The following ATP8A2 variants were observed in gnomAD, a reference collection of about 807,000 sequenced individuals.
ATP8A2 encodes the protein phospholipid-transporting ATPase IB.
A neutral mutation model predicts 165.6 loss-of-function variants in ATP8A2; 100 were observed. The ratio of observed to expected loss-of-function variants is 0.60; its 90% CI spans 0.51 to 0.71. The LOEUF is 0.71. ATP8A2 is among the 30% of genes least tolerant of loss of function. The pLI is 0.00. For synonymous variants in ATP8A2, 543 were observed against 548.8 expected, an observed-to-expected ratio of 0.99 and a Z score of 0.15; for missense variants, 1,227 against 1,479.5, an observed-to-expected ratio of 0.83 and a Z score of 2.80.
intron 24 of ATP8A2, among the ~76,000 whole-genome samples, chr13:25,664,882 C>G (rs1359605476): frequency 6.7e-6 from 1 of 149,042 alleles, no homozygotes; most frequent in Non-Finnish European, 1.5e-5. Flanking sequence ...AGAGCTTTAA[C>G]TAAAAGAAGA....
chr13:25,773,582 T>C (rs1300240686), intron 26 of ATP8A2, among the ~76,000 whole-genome samples: 2 of 152,184 alleles, frequency 1.3e-5, no homozygotes, highest in Admixed American at 6.5e-5. Flanking sequence ...ACTCCCAGCT[T>C]GGGACCCACC....
intron 1 of ATP8A2, among the ~76,000 whole-genome samples, chr13:25,382,969 A>T (rs1241643448): frequency 6.7e-6 from 1 of 150,276 alleles, no homozygotes; most frequent in African/African-American, 2.5e-5. Context: ...GTTAGCCAGG[A>T]TGGTCTCCAT....
At chr13:25,657,882 G>A (rs1427966334) in intron 24 of ATP8A2, among the ~76,000 whole-genome samples, 5 of 152,186 alleles carry the variant, frequency 3.3e-5, no homozygotes, top group African/African-American at 1.2e-4. Flanking sequence ...GTAGCAGATT[G>A]TCATTCTGCA....
chr13:25,619,120 G>A (rs1251906130), intron 24 of ATP8A2, among the ~76,000 whole-genome samples: 2 of 152,310 alleles, frequency 1.3e-5, no homozygotes, highest in South Asian at 4.1e-4. Context: ...TCAGAGAGGC[G>A]AGAACGGCCT....
intron 33 of ATP8A2, chr13:25,944,719 A>C (rs1484333907): frequency 2.0e-5 from 3 of 151,332 alleles, no homozygotes; most frequent in Non-Finnish European, 4.4e-5. Context: ...CACAACGGTG[A>C]ATAGCCACTG....
intron 2 of ATP8A2, among the ~76,000 whole-genome samples, chr13:25,518,967 A>G (rs531248290): frequency 2.0e-5 from 3 of 152,284 alleles, no homozygotes; most frequent in East Asian, 1.9e-4. Flanking sequence ...ATCTCCCAAA[A>G]GGAAAAAGGC....
chr13:25,609,467 T>C (rs995079623), intron 24 of ATP8A2, among the ~76,000 whole-genome samples: 2 of 78,812 alleles, frequency 2.5e-5, no homozygotes, highest in East Asian at 2.4e-4. Context: ...CAAATACCCA[T>C]GTGATGCCTA....
intron 33 of ATP8A2, among the ~76,000 whole-genome samples, chr13:25,869,657 T>C (rs1040527258): frequency 2.0e-5 from 3 of 152,258 alleles, no homozygotes; most frequent in Non-Finnish European, 4.4e-5. Flanking sequence ...CAGTAGGTAA[T>C]GTTTATTGAA....
rs1555256658 is a variant in ATP8A2 at position 25,731,147 on chromosome 13, A to AAAAAG, written c.2384+31805_2384+31806insAGAAA. On this transcript the variant is annotated intron_variant, in intron 25 of 36. Coordinates refer to ENST00000381655, the MANE Select transcript of ATP8A2 (RefSeq NM_016529.6). ...AGAAAAGAGAGAGAGAGAGAGAAATAAAAGAAAGAAAGAGAAAGAAGGAAG... is the reference window on the plus strand; with the variant it reads ...AGAAAAGAGAGAGAGAGAGAGAAATAAAAAGAAAGAAAGAAAGAGAAAGAAGGAAG... 1.7e-3 allele frequency among the ~76,000 whole-genome samples: 208 copies of AAAAAG among 123,280 alleles called. 1 individual carries two copies. The highest frequency in any genetic ancestry group is 4.2e-3 in the Middle Eastern group (1 of 236). The allele number at this position is 123,280 out of a possible 152,430, so 80.9% of individuals were successfully genotyped here.
intron 1 of ATP8A2, among the ~76,000 whole-genome samples, chr13:25,467,282 G>A (rs1240071747): frequency 6.6e-6 from 1 of 152,192 alleles, no homozygotes; most frequent in Non-Finnish European, 1.5e-5. Context: ...TTGAGCCCCG[G>A]AGCCTGCACC....
intron 1 of ATP8A2, among the ~76,000 whole-genome samples, chr13:25,449,306 T>G (rs1265476431): frequency 6.6e-6 from 1 of 152,238 alleles, no homozygotes; most frequent in Non-Finnish European, 1.5e-5. Context: ...TTTATTCAGT[T>G]TGAAATATTT....
intron 21 of ATP8A2, 99 bp downstream of exon 21, chr13:25,578,998 A>AT (rs1327721813): frequency 8.5e-6 from 7 of 820,044 alleles, no homozygotes; most frequent in Non-Finnish European, 1.5e-5. Flanking sequence ...TGCCTGCCCC[A>AT]TCCCCTCCTG....
At chr13:25,942,198 C>T (rs1453492494) in intron 33 of ATP8A2, among the ~76,000 whole-genome samples, 9 of 152,026 alleles carry the variant, frequency 5.9e-5, no homozygotes, top group Admixed American at 4.6e-4. Context: ...TTTTATTCTC[C>T]CATTGATAAA....
chr13:25,690,967 A>G (rs1211945882), intron 24 of ATP8A2, among the ~76,000 whole-genome samples: 3 of 152,194 alleles, frequency 2.0e-5, no homozygotes, highest in Non-Finnish European at 4.4e-5. Context: ...ATAGGTGAAC[A>G]CCTAAACAAA....
At chr13:25,894,973 T>C (rs1274290081) in intron 33 of ATP8A2, among the ~76,000 whole-genome samples, 1 of 152,230 alleles carries the variant, frequency 6.6e-6, no homozygotes, top group African/African-American at 2.4e-5. Context: ...AATCATGTCA[T>C]CTGCAAACAG....
chr13:25,967,379 T>G (rs1955802598), intron 34 of ATP8A2, among the ~76,000 whole-genome samples: 1 of 152,118 alleles, frequency 6.6e-6, no homozygotes, highest in African/African-American at 2.4e-5. Context: ...TAATACTCCA[T>G]TATAGATTAA....
Position 25,751,212 on chromosome 13 carries a change from C to A in ATP8A2, c.2385-17834C>A, listed in dbSNP as rs116454455. Among the ~76,000 whole-genome samples the A allele has an allele frequency of 3.4e-3, 520 of 152,246 alleles. 5 individuals are homozygous for A. Among genetic ancestry groups the A allele is most frequent in the African/African-American group, 0.012 (501 of 41,530 alleles). ...CTCGTCAACAGATGCCCTGAGGGCCCCAGACTGTAATAAGCAGCTCTGCTA... is the reference window on the plus strand; with the variant it reads ...CTCGTCAACAGATGCCCTGAGGGCCACAGACTGTAATAAGCAGCTCTGCTA... On this transcript the variant is annotated intron_variant, in intron 25 of 36. Coordinates refer to ENST00000381655, the MANE Select transcript of ATP8A2 (RefSeq NM_016529.6).
At chr13:25,415,044 C>T (rs184806143) in intron 1 of ATP8A2, among the ~76,000 whole-genome samples, 7 of 152,236 alleles carry the variant, frequency 4.6e-5, no homozygotes, top group Admixed American at 1.3e-4. Flanking sequence ...GAGATGGTTT[C>T]GGAGAAAAGT....
At chr13:25,951,296 G>A (rs145699104) in intron 33 of ATP8A2, among the ~76,000 whole-genome samples, 8 of 152,334 alleles carry the variant, frequency 5.3e-5, no homozygotes, top group East Asian at 1.9e-4. Flanking sequence ...AATGGAATAC[G>A]ATTCCAAAAC....
Sources: allele counts gnomAD v4.1 joint callset (sites outside exome capture counted in the v4.1 genomes callset), GRCh38; gene constraint gnomAD v4.1.1; transcripts MANE v1.5; gene names NCBI Gene and HGNC (gene_info 2026-07-23, HGNC 2026-07-21).